COBL: variants seen among roughly 807,000 people sequenced by gnomAD.
COBL encodes the protein protein cordon-bleu.
Under a neutral mutation model 98.8 loss-of-function variants are expected in COBL, and 51 were observed. That is an observed-to-expected ratio of 0.52 (90% CI 0.41 to 0.65). The LOEUF (loss-of-function observed/expected upper bound fraction) is 0.65. COBL is among the 30% of genes least tolerant of loss of function. COBL has a pLI of 0.00. For missense variants in COBL, 1,617 were observed against 1,617.5 expected (o/e 1.00, Z 0.01); for synonymous variants, 634 against 651.7 (o/e 0.97, Z 0.41).
intron 6 of COBL, among the ~76,000 whole-genome samples, chr7:51,111,668 C>G (rs565959074): frequency 1.3e-5 from 2 of 152,154 alleles, no homozygotes; most frequent in Admixed American, 6.5e-5. Flanking sequence ...GCTGCCTCTC[C>G]CCCGTGCCTG....
chr7:51,045,163 C>A (rs1323638570), intron 7 of COBL, among the ~76,000 whole-genome samples: 1 of 152,172 alleles, frequency 6.6e-6, no homozygotes, highest in Non-Finnish European at 1.5e-5. Flanking sequence ...TTCCCTTTTG[C>A]TGCCATCACT....
At chr7:51,281,646 TA>T (rs71021762) in intron 1 of COBL, among the ~76,000 whole-genome samples, 76,669 of 144,766 alleles carry the variant, frequency 0.53, 19,649 homozygotes, top group South Asian at 0.57. Context: ...AGTACTGAGA[TA>T]AAAAAAAAAA....
At chr7:51,310,429 T>C (rs966311297) in intron 1 of COBL, among the ~76,000 whole-genome samples, 1 of 152,128 alleles carries the variant, frequency 6.6e-6, no homozygotes, top group Non-Finnish European at 1.5e-5. Flanking sequence ...AGAAAGTCAA[T>C]AGGATTAACA....
chr7:51,315,672 G>A (rs1260437154), intron 1 of COBL, among the ~76,000 whole-genome samples: 2 of 152,236 alleles, frequency 1.3e-5, no homozygotes, highest in Non-Finnish European at 2.9e-5. Context: ...AAAGTCCACC[G>A]GGACTGCGCG....
Position 51,175,627 on chromosome 7 carries a change from T to A in COBL, c.783+8475A>T, listed in dbSNP as rs868825350. On this transcript the variant is annotated intron_variant, in intron 5 of 12. Coordinates refer to ENST00000265136, the MANE Select transcript of COBL (RefSeq NM_015198.5). The stretch of plus-strand genomic sequence containing the variant: ...AAAGAAACATTTATAAGAAATTAAT[T>A]TGAATTATTTGTCTCGGATACTCAT... 3.3e-5 allele frequency among the ~76,000 whole-genome samples: 5 copies of A among 152,228 alleles called. No homozygotes were observed. The South Asian group carries it at 8.3e-4, about 25-fold the overall frequency.
chr7:51,136,149 C>T lies in COBL; in HGVS notation c.957+9G>A, dbSNP rs201768914. The T allele has an allele frequency of 5.0e-6, 8 of 1,607,864 alleles. No homozygotes were observed. In the East Asian group the frequency reaches 1.8e-4, roughly 36 times the overall value. ...ATGCTTTGGTTGTGAGAACAGCCCA[C>T]TGCCCTACCTTTTCCGATGCCTTGT... is the stretch of plus-strand genomic sequence containing the variant. On this transcript the variant is annotated intron_variant, in intron 6 of 12. Coordinates refer to ENST00000265136, the MANE Select transcript of COBL (RefSeq NM_015198.5).
intron 5 of COBL, among the ~76,000 whole-genome samples, chr7:51,159,622 T>G (rs1786578094): frequency 1.3e-5 from 2 of 152,184 alleles, no homozygotes; most frequent in African/African-American, 2.4e-5. Context: ...AAACCAGTAT[T>G]TGAAAGGGAC....
intron 1 of COBL, among the ~76,000 whole-genome samples, chr7:51,308,335 G>C (rs1258774973): frequency 6.6e-6 from 1 of 152,144 alleles, no homozygotes; most frequent in Non-Finnish European, 1.5e-5. Context: ...AAAACCGCCA[G>C]AACTGATTTG....
rs543986216 is a variant in COBL at position 51,016,528 on chromosome 7, T to C, written c.*1023A>G. 5.5e-5 allele frequency: 9 copies of C among 164,762 alleles called. No homozygotes were observed. The highest frequency in any genetic ancestry group is 1.0e-4 in the Non-Finnish European group (8 of 76,874). 10.2% of individuals were successfully genotyped at this position (164,762 alleles called of 1,614,324 possible). On this transcript the variant is annotated 3_prime_UTR_variant, in exon 13 of 13. Coordinates refer to ENST00000265136, the MANE Select transcript of COBL (RefSeq NM_015198.5). ...CTGTAGTTAGACCTCATTATAAATATTGGTGACTGGGCACCATGTGAGAAG... is the reference window on the plus strand; with the variant it reads ...CTGTAGTTAGACCTCATTATAAATACTGGTGACTGGGCACCATGTGAGAAG...
At position 51,163,557 on chromosome 7, in the gene COBL, T is replaced by C. The variant is rs974240814; in HGVS notation, c.783+20545A>G. Among the ~76,000 whole-genome samples the C allele has an allele frequency of 4.6e-5, 7 of 152,234 alleles. No individual in the cohort carries two copies. In the East Asian group the frequency reaches 1.3e-3, roughly 29 times the overall value. ...TATGAGTTAATATTAATCTATCACATTGAAGCCTTATTACTTTGATTCATA... is the reference window on the plus strand; with the variant it reads ...TATGAGTTAATATTAATCTATCACACTGAAGCCTTATTACTTTGATTCATA... On this transcript the variant is annotated intron_variant, in intron 5 of 12. Coordinates refer to ENST00000265136, the MANE Select transcript of COBL (RefSeq NM_015198.5).
chr7:51,040,180 G>T, intron 8 of COBL, among the ~76,000 whole-genome samples: 1 of 141,348 alleles, frequency 7.1e-6, no homozygotes, highest in African/African-American at 2.7e-5. Context: ...TGTCAGTTGA[G>T]ATAATTTCTG....
At position 51,127,813 on chromosome 7, in the gene COBL, C is replaced by A. The variant is rs545666250; in HGVS notation, c.957+8345G>T. On this transcript the variant is annotated intron_variant, in intron 6 of 12. Coordinates refer to ENST00000265136, the MANE Select transcript of COBL (RefSeq NM_015198.5). ...CCCTCAGCTCTTTTGGGGGACAGAA[C>A]AATGTGCCATTGAGTTACCAACCGC... Among the ~76,000 whole-genome samples the A allele has an allele frequency of 3.8e-4, 58 of 152,160 alleles. 1 individual carries two copies. The highest frequency in any genetic ancestry group is 6.9e-4 in the Non-Finnish European group (47 of 68,036).
chr7:51,219,609 T>C, intron 2 of COBL, 132 bp downstream of exon 2: 1 of 955,806 alleles, frequency 1.0e-6, no homozygotes, highest in Non-Finnish European at 1.6e-6. Flanking sequence ...TAAGCCCGAT[T>C]TATATCCATG....
intron 1 of COBL, among the ~76,000 whole-genome samples, chr7:51,242,473 G>A (rs1396392267): frequency 2.6e-5 from 4 of 152,140 alleles, no homozygotes; most frequent in Admixed American, 2.6e-4. Context: ...GACACCCTCT[G>A]CTGGTATCAC....
At position 51,190,734 on chromosome 7, in the gene COBL, T is replaced by A. The variant is rs993456102; in HGVS notation, c.685+116A>T. ...TCAACTTGACTTGCCTGGAACTTCA[T>A]GTACCCATCTCTCCCTGGCGCTACT... On this transcript the variant is annotated intron_variant, in intron 4 of 12. Coordinates refer to ENST00000265136, the MANE Select transcript of COBL (RefSeq NM_015198.5). 4 of 781,842 alleles carry A rather than the reference T, an allele frequency of 5.1e-6. No individual in the cohort carries two copies. In the African/African-American group the frequency reaches 5.2e-5, roughly 10 times the overall value. 48.4% of individuals were successfully genotyped at this position (781,842 alleles called of 1,614,324 possible).
intron 8 of COBL, among the ~76,000 whole-genome samples, chr7:51,039,565 CA>C (rs1788968298): frequency 6.6e-6 from 1 of 152,238 alleles, no homozygotes; most frequent in South Asian, 2.1e-4. Flanking sequence ...CTATTTTCAT[CA>C]AAAGAGGCAG....
intron 1 of COBL, among the ~76,000 whole-genome samples, chr7:51,266,271 T>C (rs1015712382): frequency 6.6e-6 from 1 of 152,264 alleles, no homozygotes; most frequent in Non-Finnish European, 1.5e-5. Context: ...TCTGACTTTT[T>C]AGTTTTGCTT....
intron 6 of COBL, among the ~76,000 whole-genome samples, chr7:51,100,095 A>G (rs919553329): frequency 1.3e-5 from 2 of 152,188 alleles, no homozygotes; most frequent in African/African-American, 4.8e-5. Context: ...ACTGAAAGCC[A>G]TAACACCTTG....
At chr7:51,272,344 G>A (rs139086423) in intron 1 of COBL, among the ~76,000 whole-genome samples, 9 of 152,062 alleles carry the variant, frequency 5.9e-5, no homozygotes, top group African/African-American at 1.2e-4. Context: ...TAATAACTTC[G>A]CAAGGTCTCA....
Sources: gnomAD v4.1 joint callset for allele counts (sites outside exome capture counted in the v4.1 genomes callset) on GRCh38, gnomAD v4.1.1 for gene constraint, MANE v1.5 for transcripts, NCBI Gene and HGNC (gene_info 2026-07-23, HGNC 2026-07-21) for gene names.